The following MBOAT1 variants were observed in gnomAD, a reference collection of about 807,000 sequenced individuals.
The protein encoded by MBOAT1 is membrane bound glycerophospholipid O-acyltransferase 1.
In MBOAT1, 67 loss-of-function variants were observed where a neutral mutation model predicts 64.4. That is an observed-to-expected ratio of 1.04 (90% CI 0.85 to 1.27). The LOEUF (loss-of-function observed/expected upper bound fraction) is 1.27, where lower values mean the gene tolerates loss of function less well. MBOAT1 is among the 50% of genes most tolerant of loss of function. The pLI is 0.00. For missense variants in MBOAT1, 563 were observed against 604.6 expected, an observed-to-expected ratio of 0.93 and a Z score of 0.72; for synonymous variants, 229 against 218.9, an observed-to-expected ratio of 1.05 and a Z score of -0.41.
At chr6:20,144,423 G>T in intron 3 of MBOAT1, 108 bp from the exon 4 acceptor site, 1 of 735,260 alleles carries the variant, frequency 1.4e-6, no homozygotes, top group Non-Finnish European at 2.3e-6. Context: ...TGGTCACAAT[G>T]TCCTATCTGG....
rs145219958 is a variant in MBOAT1 at position 20,108,362 on chromosome 6, T to C, written c.1361+1236A>G. On this transcript the variant is annotated intron_variant, in intron 12 of 12. Transcript: ENST00000324607. The stretch of plus-strand genomic sequence containing the variant: ...CCCACTCTTCTGGCACCCCTTTGCA[T>C]AGAAAAATTTGGGTATAAACCAGTA... Among the ~76,000 whole-genome samples the C allele has an allele frequency of 2.9e-3, 442 of 152,296 alleles. 2 individuals carry two copies. Among genetic ancestry groups the C allele is most frequent in the Non-Finnish European group, 4.8e-3 (325 of 68,008 alleles).
chr6:20,185,747 A>T (rs1162870074), intron 1 of MBOAT1, among the ~76,000 whole-genome samples: 1 of 152,202 alleles, frequency 6.6e-6, no homozygotes, highest in African/African-American at 2.4e-5. Flanking sequence ...AGCACTTTCC[A>T]TATTTTTTCA....
intron 4 of MBOAT1, among the ~76,000 whole-genome samples, chr6:20,132,220 T>C (rs1760850626): frequency 6.6e-6 from 1 of 152,110 alleles, no homozygotes; most frequent in Non-Finnish European, 1.5e-5. Context: ...GGAATTCCAC[T>C]CATTAAAACG....
chr6:20,153,485 A>G (rs924452793), intron 1 of MBOAT1, among the ~76,000 whole-genome samples: 2 of 152,196 alleles, frequency 1.3e-5, no homozygotes, highest in East Asian at 1.9e-4. Context: ...TACCTGGGAA[A>G]TCAAATTGTT....
At chr6:20,173,369 A>AAG (rs199559856) in intron 1 of MBOAT1, among the ~76,000 whole-genome samples, 175 of 152,304 alleles carry the variant, frequency 1.1e-3, no homozygotes, top group African/African-American at 4.1e-3. Context: ...ATGAAAGAAA[A>AAG]AAAAAAACTT....
intron 1 of MBOAT1, among the ~76,000 whole-genome samples, chr6:20,207,637 C>T (rs760798465): frequency 1.3e-5 from 2 of 152,184 alleles, no homozygotes; most frequent in Non-Finnish European, 2.9e-5. Context: ...ATGTCAGGAT[C>T]CATAAATAAA....
intron 4 of MBOAT1, among the ~76,000 whole-genome samples, chr6:20,143,300 A>G (rs1452430370): frequency 6.6e-6 from 1 of 152,192 alleles, no homozygotes; most frequent in Admixed American, 6.5e-5. Flanking sequence ...CATAGTCTTT[A>G]CCATGTGACC....
At chr6:20,103,921 C>T (rs1005424347) in intron 12 of MBOAT1, among the ~76,000 whole-genome samples, 1 of 152,166 alleles carries the variant, frequency 6.6e-6, no homozygotes, top group Non-Finnish European at 1.5e-5. Flanking sequence ...ATATCCTAGG[C>T]CTTCACATTC....
At chr6:20,136,857 A>G (rs1761010800) in intron 4 of MBOAT1, among the ~76,000 whole-genome samples, 1 of 152,240 alleles carries the variant, frequency 6.6e-6, no homozygotes, top group Admixed American at 6.5e-5. Context: ...CGCATTTTCA[A>G]TATTTCCTTT....
intron 1 of MBOAT1, among the ~76,000 whole-genome samples, chr6:20,157,930 C>T (rs769750041): frequency 4.0e-5 from 6 of 151,880 alleles, no homozygotes; most frequent in South Asian, 2.1e-4. Context: ...CCAAGGCGCG[C>T]GGATCAGCTG....
intron 1 of MBOAT1, among the ~76,000 whole-genome samples, chr6:20,162,188 T>G (rs1365536913): frequency 6.6e-6 from 1 of 152,214 alleles, no homozygotes; most frequent in African/African-American, 2.4e-5. Flanking sequence ...ACTCGGGGTT[T>G]AGGACTTCAA....
In MBOAT1 at chr6:20,115,170, T is replaced by C. The variant is rs957391143; in HGVS notation, c.1076+118A>G. ...ATCATTTACAGGGCACAGATGTTAATACAAAACAAGAGTGTCAGATGACAT... is the reference window on the plus strand; with the variant it reads ...ATCATTTACAGGGCACAGATGTTAACACAAAACAAGAGTGTCAGATGACAT... On this transcript the variant is annotated intron_variant, in intron 10 of 12. Coordinates refer to ENST00000324607, the MANE Select transcript of MBOAT1 (RefSeq NM_001080480.3). 1.3e-5 allele frequency: 10 copies of C among 772,388 alleles called. No individual in the cohort carries two copies. In the Admixed American group the frequency reaches 2.0e-4, roughly 15 times the overall value. The allele number at this position is 772,388 out of a possible 1,614,324, so 47.8% of individuals were successfully genotyped here.
At chr6:20,112,170 A>G (rs922115102) in intron 11 of MBOAT1, among the ~76,000 whole-genome samples, 1 of 151,912 alleles carries the variant, frequency 6.6e-6, no homozygotes, top group African/African-American at 2.4e-5. Flanking sequence ...AATTAAATAC[A>G]AAACTCCTGT....
At chr6:20,143,033 A>G (rs1009436962) in intron 4 of MBOAT1, among the ~76,000 whole-genome samples, 1 of 152,212 alleles carries the variant, frequency 6.6e-6, no homozygotes, top group African/African-American at 2.4e-5. Flanking sequence ...TTCATGAGCC[A>G]TGAGCGGTCA....
At chr6:20,106,152 C>A (rs1307610364) in intron 12 of MBOAT1, among the ~76,000 whole-genome samples, 1 of 152,200 alleles carries the variant, frequency 6.6e-6, no homozygotes, top group Non-Finnish European at 1.5e-5. Context: ...CGCAACCAGG[C>A]CTGCCTTCAC....
chr6:20,211,399 G>A (rs1421823880), intron 1 of MBOAT1, among the ~76,000 whole-genome samples: 1 of 152,214 alleles, frequency 6.6e-6, no homozygotes, highest in Non-Finnish European at 1.5e-5. Flanking sequence ...TGCAGCACCT[G>A]AAGAGACAAG....
intron 3 of MBOAT1, among the ~76,000 whole-genome samples, chr6:20,149,732 G>GA (rs903218907): frequency 6.6e-6 from 1 of 151,962 alleles, no homozygotes; most frequent in South Asian, 2.1e-4. Context: ...TGTAAAAGCA[G>GA]AAAAAAATAT....
At chr6:20,135,045 C>G (rs1370700920) in intron 4 of MBOAT1, among the ~76,000 whole-genome samples, 1 of 151,680 alleles carries the variant, frequency 6.6e-6, no homozygotes, top group Non-Finnish European at 1.5e-5. Context: ...AATTATGAGG[C>G]CTCCGAACTT....
chr6:20,206,447 T>G (rs1763268962), intron 1 of MBOAT1, among the ~76,000 whole-genome samples: 1 of 152,244 alleles, frequency 6.6e-6, no homozygotes, highest in Non-Finnish European at 1.5e-5. Flanking sequence ...GTGCTGGGAT[T>G]ACAGGCGTGA....
Sources: gnomAD v4.1 joint callset for allele counts (sites outside exome capture counted in the v4.1 genomes callset) on GRCh38, gnomAD v4.1.1 for gene constraint, MANE v1.5 for transcripts, NCBI Gene and HGNC (gene_info 2026-07-23, HGNC 2026-07-21) for gene names.